WNT16: variants seen among roughly 807,000 people sequenced by gnomAD.
WNT16 encodes the protein protein Wnt-16.
A neutral mutation model predicts 35.4 loss-of-function variants in WNT16; 20 were observed. That is an observed-to-expected ratio of 0.56 (90% CI 0.40 to 0.82). The LOEUF is 0.82. Ranked by LOEUF, WNT16 falls within the 40% of genes least tolerant of loss-of-function variation. WNT16 has a pLI of 0.00. For missense variants in WNT16, 461 were observed against 466.0 expected, an observed-to-expected ratio of 0.99 and a Z score of 0.10; for synonymous variants, 180 against 179.2, an observed-to-expected ratio of 1.00 and a Z score of -0.03.
intron 3 of WNT16, among the ~76,000 whole-genome samples, chr7:121,333,931 G>A (rs1389907554): frequency 2.0e-5 from 3 of 151,772 alleles, no homozygotes; most frequent in East Asian, 1.9e-4. Context: ...AGTAACATTC[G>A]GCAGCTATTT....
chr7:121,325,486 T>A (rs1404603110), upstream of WNT16: 2 of 1,610,224 alleles, frequency 1.2e-6, no homozygotes, highest in East Asian at 4.5e-5. Flanking sequence ...CTATGGTGGG[T>A]TTTGTTTATT....
chr7:121,335,601 G>A (rs1476341176), intron 3 of WNT16, among the ~76,000 whole-genome samples: 1 of 152,096 alleles, frequency 6.6e-6, no homozygotes, highest in Non-Finnish European at 1.5e-5. Context: ...CCTGTTAACA[G>A]AAAATTATGG....
intron 3 of WNT16, among the ~76,000 whole-genome samples, chr7:121,332,485 G>C (rs1793366899): frequency 6.6e-6 from 1 of 152,170 alleles, no homozygotes; most frequent in Admixed American, 6.5e-5. Context: ...AGTCAGAATA[G>C]GGTCTACAGT....
chr7:121,326,927 A>T (rs1562873730), upstream of WNT16, among the ~76,000 whole-genome samples: 1 of 152,152 alleles, frequency 6.6e-6, no homozygotes, highest in Non-Finnish European at 1.5e-5. Context: ...TGAAGTAAAA[A>T]CTGTAGTTCC....
At chr7:121,328,509 A>T (rs756750473), upstream of WNT16, among the ~76,000 whole-genome samples, 9 of 152,170 alleles carry the variant, frequency 5.9e-5, no homozygotes, top group Non-Finnish European at 1.3e-4. Flanking sequence ...CCCACTCTCT[A>T]AAGTCTCCTG....
rs1431677416 is a variant in WNT16, at chr7:121,339,087, TA to T, written c.842del (p.Lys281ArgfsTer15). The T allele has an allele frequency of 6.2e-7, 1 of 1,614,110 alleles. No homozygotes were observed. The highest frequency in any genetic ancestry group is 8.5e-7 in the Non-Finnish European group (1 of 1,180,006). ...EKDQRKIPIH[K>X]DDLLYVNKSP... ...AAGATCAGAGGAAAATACCAATCCA[TA>T]AGGATGATCTGCTCTATGTTAATAA... On this transcript the variant is annotated frameshift_variant, in exon 4 of 4. Transcript: ENST00000222462. LOFTEE classifies it high-confidence loss of function.
At chr7:121,334,392 C>A (rs1051029070) in intron 3 of WNT16, among the ~76,000 whole-genome samples, 8 of 151,008 alleles carry the variant, frequency 5.3e-5, no homozygotes, top group African/African-American at 1.9e-4. Context: ...CTGTTGCTGG[C>A]AAAAAAACAA....
upstream of WNT16, chr7:121,325,592 A>C: frequency 1.0e-6 from 1 of 962,476 alleles, no homozygotes; most frequent in Non-Finnish European, 1.5e-6. Flanking sequence ...TTTTGACCCA[A>C]AGACACGGTA....
At chr7:121,330,141 C>T (rs964303418) in intron 2 of WNT16, among the ~76,000 whole-genome samples, 2 of 152,240 alleles carry the variant, frequency 1.3e-5, no homozygotes, top group East Asian at 3.9e-4. Context: ...CGCCCCCCTA[C>T]GTGGGTGACC....
chr7:121,326,549 C>T (rs765614832), upstream of WNT16, among the ~76,000 whole-genome samples: 2 of 152,106 alleles, frequency 1.3e-5, no homozygotes, highest in African/African-American at 2.4e-5. Flanking sequence ...GTGCTAGATT[C>T]CCAGAATAAT....
rs1270604521 is a variant in WNT16, at chr7:121,340,428, T to C, written c.*1083T>C. On this transcript the variant is annotated 3_prime_UTR_variant, in exon 4 of 4. Transcript: ENST00000222462. ...TTTCATACTATTAATGCTATTTTTT[T>C]GGACATCGAAGAGAATTTAACTTAG... The C allele has an allele frequency of 6.6e-6, 1 of 152,126 alleles. No individual in the cohort carries two copies. Among genetic ancestry groups the C allele is most frequent in the Non-Finnish European group, 1.5e-5 (1 of 67,970 alleles). The allele number at this position is 152,126 out of a possible 1,614,324, so 9.4% of individuals were successfully genotyped here.
chr7:121,327,349 C>CTTTT (rs34420179), upstream of WNT16, among the ~76,000 whole-genome samples: 13 of 121,546 alleles, frequency 1.1e-4, no homozygotes, highest in African/African-American at 2.7e-4. Flanking sequence ...CTATCTAATC[C>CTTTT]TTTTTTTTTT....
intron 3 of WNT16, among the ~76,000 whole-genome samples, chr7:121,335,569 T>C (rs1410722466): frequency 6.6e-6 from 1 of 152,114 alleles, no homozygotes; most frequent in African/African-American, 2.4e-5. Flanking sequence ...CAGCACTCAT[T>C]CCTTTGCTAT....
At chr7:121,337,210 A>G (rs1265921350) in intron 3 of WNT16, among the ~76,000 whole-genome samples, 1 of 152,212 alleles carries the variant, frequency 6.6e-6, no homozygotes, top group Non-Finnish European at 1.5e-5. Flanking sequence ...TTAGTTTCTT[A>G]GTTTTGTGAA....
In WNT16 at chr7:121,340,009, T is replaced by A. The variant is rs1451763538; in HGVS notation, c.*664T>A. ...ACAAAGAATCAATATGTAAAAAGTA[T>A]AATGAATGATTTAGATTTTAAGTGC... On this transcript the variant is annotated 3_prime_UTR_variant, in exon 4 of 4. Transcript: ENST00000222462. 1 of 152,252 alleles carries A rather than the reference T, an allele frequency of 6.6e-6. No individual in the cohort carries two copies. Among genetic ancestry groups the A allele is most frequent in the African/African-American group, 2.4e-5 (1 of 41,456 alleles). 9.4% of individuals were successfully genotyped at this position (152,252 alleles called of 1,614,324 possible).
chr7:121,326,961 C>T (rs1051733671), upstream of WNT16, among the ~76,000 whole-genome samples: 1 of 152,120 alleles, frequency 6.6e-6, no homozygotes, highest in African/African-American at 2.4e-5. Context: ...CTTACATATC[C>T]ACTCAGGATG....
intron 3 of WNT16, among the ~76,000 whole-genome samples, chr7:121,336,849 G>C (rs183017073): frequency 9.2e-5 from 14 of 152,300 alleles, no homozygotes; most frequent in African/African-American, 2.4e-5. Context: ...CCTCAGTCAT[G>C]ATCCAGGGGA....
intron 2 of WNT16, 76 bp from the exon 3 acceptor site, chr7:121,331,602 A>G: frequency 7.2e-7 from 1 of 1,390,560 alleles, no homozygotes; most frequent in Non-Finnish European, 9.9e-7. Flanking sequence ...CAGTAAGATC[A>G]TGAGTAGGAG....
intron 2 of WNT16, among the ~76,000 whole-genome samples, chr7:121,331,310 A>G (rs1793341244): frequency 6.6e-6 from 1 of 152,218 alleles, no homozygotes. Flanking sequence ...ATTACCGTTT[A>G]CAGTATCTAT....
Sources: allele counts gnomAD v4.1 joint callset (sites outside exome capture counted in the v4.1 genomes callset), GRCh38; gene constraint gnomAD v4.1.1; transcripts MANE v1.5; gene names NCBI Gene and HGNC (gene_info 2026-07-23, HGNC 2026-07-21).